Variants in PRKCH observed in about 807,000 individuals in gnomAD.
PRKCH encodes protein kinase C eta type.
A neutral mutation model predicts 82.5 loss-of-function variants in PRKCH; 28 were observed. The observed-to-expected ratio is 0.34, with a 90% CI of 0.25 to 0.47. PRKCH has a LOEUF of 0.47. PRKCH is among the 20% of genes least tolerant of loss of function. The probability of loss-of-function intolerance (pLI) is 1.00; values close to 1 mark genes in which losing one functional copy is unlikely to be tolerated. For synonymous variants in PRKCH, 322 were observed against 327.4 expected (o/e 0.98, Z 0.18); for missense variants, 705 against 881.8 (o/e 0.80, Z 2.54).
At chr14:61,460,462 C>T (rs895428319) in intron 9 of PRKCH, among the ~76,000 whole-genome samples, 1 of 152,152 alleles carries the variant, frequency 6.6e-6, no homozygotes, top group African/African-American at 2.4e-5. Flanking sequence ...TCAATTGCCC[C>T]CTCCCCCATT....
At chr14:61,351,962 T>C (rs1233209463) in intron 1 of PRKCH, among the ~76,000 whole-genome samples, 1 of 152,148 alleles carries the variant, frequency 6.6e-6, no homozygotes, top group African/African-American at 2.4e-5. Context: ...GAAGCATCTG[T>C]GCTCCCTAAC....
At chr14:61,535,760 C>T (rs1464275661) in intron 12 of PRKCH, among the ~76,000 whole-genome samples, 4 of 152,178 alleles carry the variant, frequency 2.6e-5, no homozygotes, top group Non-Finnish European at 2.9e-5. Context: ...AGGAGTGGAC[C>T]AACAGACTGG....
chr14:61,245,226 T>A (rs2044869651), intron 1 of PRKCH, among the ~76,000 whole-genome samples: 1 of 152,110 alleles, frequency 6.6e-6, no homozygotes, highest in South Asian at 2.1e-4. Flanking sequence ...GAGGCCTGCT[T>A]CTCCACAGAC....
intron 10 of PRKCH, among the ~76,000 whole-genome samples, chr14:61,502,847 A>T (rs1201984417): frequency 1.3e-5 from 2 of 151,846 alleles, no homozygotes; most frequent in Admixed American, 6.6e-5. Context: ...GGATTTTAAC[A>T]CTCCTTTGAC....
intron 1 of PRKCH, among the ~76,000 whole-genome samples, chr14:61,352,658 A>AAGAAAG (rs1425613807): frequency 1.4e-5 from 2 of 138,948 alleles, no homozygotes; most frequent in African/African-American, 5.6e-5. Flanking sequence ...GAAAGAAAGA[A>AAGAAAG]AGAGAGAGAG....
chr14:61,534,815 T>G (rs772574395), intron 12 of PRKCH, among the ~76,000 whole-genome samples: 3 of 152,152 alleles, frequency 2.0e-5, no homozygotes, highest in Non-Finnish European at 2.9e-5. Context: ...TATAAAGGTG[T>G]GATAATAACA....
intron 1 of PRKCH, among the ~76,000 whole-genome samples, chr14:61,324,644 T>TG (rs1475905347): frequency 2.0e-5 from 3 of 152,106 alleles, no homozygotes; most frequent in African/African-American, 7.2e-5. Flanking sequence ...AAAATAGAGA[T>TG]GGGGTCTTGC....
In PRKCH at chr14:61,262,219, T is replaced by TAAAAA. The variant is rs1297799647; in HGVS notation, c.-19+74560_-19+74564dup. 1.8e-3 allele frequency among the ~76,000 whole-genome samples: 197 copies of TAAAAA among 106,546 alleles called. 5 individuals carry two copies. The highest frequency in any genetic ancestry group is 7.3e-3 in the African/African-American group (179 of 24,498). 69.9% of individuals were successfully genotyped at this position (106,546 alleles called of 152,430 possible). A position where few individuals can be genotyped will look rare whatever the true frequency, so the allele number is the denominator to read the frequency against. On this transcript the variant is annotated intron_variant, in intron 1 of 3. Transcript: ENST00000555185. The stretch of plus-strand genomic sequence containing the variant: ...CTCAGTGACAGAGTGAGACTCTGTA[T>TAAAAA]AAAAAAAAAAAAAGAATATTCAGAG...
At chr14:61,403,323 C>T (rs996427150) in intron 2 of PRKCH, among the ~76,000 whole-genome samples, 3 of 151,916 alleles carry the variant, frequency 2.0e-5, no homozygotes, top group African/African-American at 7.3e-5. Flanking sequence ...TTCAAAAGCC[C>T]AGTGCTTTAA....
rs571012483 is a variant in PRKCH, at chr14:61,280,186, T to C, written c.-19+92518T>C. Reference sequence around the variant, plus strand: ...GATGCAGAGGGAGCCGACGACCAGGTAGGCGATGCCCAGGAAGGGGTTCTT... The same window carrying C: ...GATGCAGAGGGAGCCGACGACCAGGCAGGCGATGCCCAGGAAGGGGTTCTT... On this transcript the variant is annotated intron_variant, in intron 1 of 3. Transcript: ENST00000555185. The surrounding 1 kb of genome is among the most constrained non-coding windows in gnomAD (Gnocchi z 5.0). The C allele has an allele frequency of 6.2e-7, 1 of 1,613,810 alleles. No individual in the cohort carries two copies. The highest frequency in any genetic ancestry group is 1.3e-5 in the African/African-American group (1 of 75,030).
intron 10 of PRKCH, among the ~76,000 whole-genome samples, chr14:61,504,291 C>T (rs1189555903): frequency 6.6e-6 from 1 of 152,052 alleles, no homozygotes; most frequent in Non-Finnish European, 1.5e-5. Context: ...TGGGTTCAAG[C>T]CATTTTCCTG....
chr14:61,316,595 C>A (rs953265740), upstream of PRKCH, among the ~76,000 whole-genome samples: 4 of 152,100 alleles, frequency 2.6e-5, no homozygotes, highest in African/African-American at 7.2e-5. Flanking sequence ...AGAAAGGGAA[C>A]CCCTTGCTCC....
chr14:61,297,462 A>AG (rs1489274807), intron 1 of PRKCH, among the ~76,000 whole-genome samples: 11 of 152,170 alleles, frequency 7.2e-5, no homozygotes, highest in African/African-American at 2.7e-4. Context: ...TGATTTTCTA[A>AG]GAATGTTGGT....
At chr14:61,376,095 A>G (rs960622545) in intron 1 of PRKCH, among the ~76,000 whole-genome samples, 3 of 151,004 alleles carry the variant, frequency 2.0e-5, no homozygotes, top group Admixed American at 6.6e-5. Flanking sequence ...AAGGCCTTTA[A>G]TGGGATTTTA....
intron 10 of PRKCH, among the ~76,000 whole-genome samples, chr14:61,485,863 C>T (rs1458667560): frequency 6.6e-6 from 1 of 152,200 alleles, no homozygotes; most frequent in Non-Finnish European, 1.5e-5. Context: ...CTCACTGCAG[C>T]CGGTCCATCT....
chr14:61,303,575 A>T (rs1417870454), intron 1 of PRKCH: 5 of 152,118 alleles, frequency 3.3e-5, no homozygotes, highest in African/African-American at 1.2e-4. Context: ...GGATCTTTAA[A>T]ATGCATTGCA....
intron 1 of PRKCH, among the ~76,000 whole-genome samples, chr14:61,381,276 G>T (rs1227157111): frequency 1.3e-5 from 2 of 152,146 alleles, no homozygotes; most frequent in African/African-American, 4.8e-5. Flanking sequence ...ATTGAGCAGG[G>T]TAAAGGGTGG....
At chr14:61,220,990 G>A (rs964612640) in intron 1 of PRKCH, among the ~76,000 whole-genome samples, 1 of 152,162 alleles carries the variant, frequency 6.6e-6, no homozygotes, top group Non-Finnish European at 1.5e-5. Context: ...CTTATTACTT[G>A]GTGCCGCTAG....
intron 1 of PRKCH, among the ~76,000 whole-genome samples, chr14:61,262,074 A>G (rs1233892988): frequency 1.3e-5 from 2 of 152,020 alleles, no homozygotes; most frequent in Admixed American, 1.3e-4. Flanking sequence ...ACAAAAAATT[A>G]GCTGGGCGTA....
Sources: gnomAD v4.1 joint callset for allele counts (sites outside exome capture counted in the v4.1 genomes callset) on GRCh38, gnomAD v4.1.1 for gene constraint, Gnocchi (gnomAD v3.1) non-coding constraint, MANE v1.5 for transcripts, NCBI Gene and HGNC (gene_info 2026-07-23, HGNC 2026-07-21) for gene names.